RFX5: variants seen among roughly 807,000 people sequenced by gnomAD.
The protein encoded by RFX5 is DNA-binding protein RFX5.
Under a neutral mutation model 41.2 loss-of-function variants are expected in RFX5, and 30 were observed. That is an observed-to-expected ratio of 0.73 (90% CI 0.54 to 0.99). RFX5 has a LOEUF of 0.99. Among genes scored for constraint, RFX5 ranks in the 50% least tolerant of loss-of-function variants. The probability of loss-of-function intolerance (pLI) is 0.00; values close to 1 mark genes in which losing one functional copy is unlikely to be tolerated. For missense variants in RFX5, 715 were observed against 773.6 expected, an observed-to-expected ratio of 0.92 and a Z score of 0.90; for synonymous variants, 231 against 291.8, an observed-to-expected ratio of 0.79 and a Z score of 2.12.
rs999104857 is a variant in RFX5, at chr1:151,344,457, C to T, written c.433G>A (p.Asp145Asn). The T allele has an allele frequency of 5.6e-6, 9 of 1,614,204 alleles. No homozygotes were observed. The highest frequency in any genetic ancestry group is 6.8e-6 in the Non-Finnish European group (8 of 1,180,050). Residue 145 changes from aspartate (D) to asparagine (N), a missense_variant, in exon 7 of 11, where the codon GAC becomes AAC. Coordinates refer to ENST00000452671, the MANE Select transcript of RFX5 (RefSeq NM_001025603.2). ...CCACCAAGCCTTCGAGCTTTGATGT[C>T]AGGGAAGATCTCTCTGATGATCTTG... ...FGKIIREIFP[D>N]IKARRLGGRG...
chr1:151,343,586 G>T, intron 9 of RFX5, 95 bp downstream of exon 9: 2 of 1,464,378 alleles, frequency 1.4e-6, no homozygotes, highest in Non-Finnish European at 1.9e-6. Flanking sequence ...AGGAAGAGGG[G>T]GCAAATCCAA....
At position 151,345,916 on chromosome 1, in the gene RFX5, C is replaced by T. The variant is rs1651003458; in HGVS notation, c.150+12G>A. On this transcript the variant is annotated intron_variant, in intron 4 of 10. Coordinates refer to ENST00000452671, the MANE Select transcript of RFX5 (RefSeq NM_001025603.2). ...TCCATCCCTCTCTTGCCCTCTTCCC[C>T]AACACACTTACCAGGATCCCCTCTA... 1.2e-6 allele frequency: 2 copies of T among 1,614,026 alleles called. No individual in the cohort carries two copies. The highest frequency in any genetic ancestry group is 1.1e-5 in the South Asian group (1 of 91,084).
At chr1:151,343,525 A>ACT in intron 9 of RFX5, 83 bp from the exon 10 acceptor site, 1 of 1,450,724 alleles carries the variant, frequency 6.9e-7, no homozygotes, top group Non-Finnish European at 9.6e-7. Context: ...TGATTGACTG[A>ACT]CTGGTAGAGA....
rs532786569 is a variant in RFX5, at chr1:151,343,745, T to C, written c.693A>G (p.Leu231=). 6 of 1,614,016 alleles carry C rather than the reference T, an allele frequency of 3.7e-6. No individual in the cohort carries two copies. The African/African-American group carries it at 8.0e-5, about 22-fold the overall frequency. Residue 231 remains leucine (L), a synonymous_variant, in exon 9 of 11, where the codon CTA becomes CTG. Transcript: ENST00000452671. ...ATCGGGCAGAGATGAGATGCTGCTG[T>C]AGCAGGAAGCGGGCGACCTCAACGA... ...SSIVEVARFL[L]QQHLISARSA...
rs571486197 is a variant in RFX5, at chr1:151,346,442, A to G, written c.-14+47T>C. 116 of 803,454 alleles carry G rather than the reference A, an allele frequency of 1.4e-4. 1 individual carries two copies. The South Asian group carries it at 1.8e-3, about 12-fold the overall frequency. 49.8% of individuals were successfully genotyped at this position (803,454 alleles called of 1,614,324 possible). On this transcript the variant is annotated intron_variant, in intron 2 of 10. Transcript: ENST00000452671. ...TTTACCCAGAAAGGCAGAGAAACAG[A>G]AACAAAGCCTCCGAATTTCCCCGGT... is the stretch of plus-strand genomic sequence containing the variant.
intron 8 of RFX5, 107 bp from the exon 9 acceptor site, chr1:151,343,989 G>A (rs1307755149): frequency 8.0e-7 from 1 of 1,257,276 alleles, no homozygotes; most frequent in African/African-American, 1.5e-5. Flanking sequence ...CCAGACTGGG[G>A]ATGGGAGTAG....
At chr1:151,344,340 C>T in intron 7 of RFX5, 62 bp from the exon 8 acceptor site, 1 of 1,613,796 alleles carries the variant, frequency 6.2e-7, no homozygotes, top group Non-Finnish European at 8.5e-7. Context: ...GCAAGTTAAG[C>T]TGTTCCACTC....
In RFX5 at chr1:151,344,707, A is replaced by ACCACCCACCCCT; in HGVS notation, c.353+9_353+20dup. 5.9e-6 allele frequency: 5 copies of ACCACCCACCCCT among 850,500 alleles called. 1 individual carries two copies. In the South Asian group the frequency reaches 7.1e-5, roughly 12 times the overall value. The allele number at this position is 850,500 out of a possible 1,614,324, so 52.7% of individuals were successfully genotyped here. A position where few individuals can be genotyped will look rare whatever the true frequency, so the allele number is the denominator to read the frequency against. On this transcript the variant is annotated intron_variant, in intron 6 of 10. Coordinates refer to ENST00000452671, the MANE Select transcript of RFX5 (RefSeq NM_001025603.2). ...CTATGCCCACCAATCCACTCATCCC[A>ACCACCCACCCCT]CCACCCACCCCTCCACCCACCGATA...
chr1:151,343,453 A>G lies in RFX5; in HGVS notation c.758-11T>C. ...CATGTTCGTCCTCTTCTGCAGAGGTACCAAAAAGGTAATAGAGTGAAGGTG... is the reference window on the plus strand; with the variant it reads ...CATGTTCGTCCTCTTCTGCAGAGGTGCCAAAAAGGTAATAGAGTGAAGGTG... On this transcript the variant is annotated splice_polypyrimidine_tract_variant and intron_variant, in intron 9 of 10. Transcript: ENST00000452671. 6.2e-7 allele frequency: 1 copy of G among 1,612,504 alleles called. No individual in the cohort carries two copies. Among genetic ancestry groups the G allele is most frequent in the East Asian group, 2.2e-5 (1 of 44,880 alleles).
In RFX5 at chr1:151,342,859, C is replaced by G. The variant is rs779249436; in HGVS notation, c.1178G>C (p.Gly393Ala). Residue 393 changes from glycine (G) to alanine (A), a missense_variant, in exon 11 of 11, where the codon GGA (glycine) becomes GCA (alanine). Coordinates refer to ENST00000452671, the MANE Select transcript of RFX5 (RefSeq NM_001025603.2). ...MILPTVPALP[G>A]PGPGPGRAPP... ...AGCTCGCCCAGGCCCAGGTCCAGGTCCAGGCAAAGCAGGAACAGTTGGTAA... is the reference window on the plus strand; with the variant it reads ...AGCTCGCCCAGGCCCAGGTCCAGGTGCAGGCAAAGCAGGAACAGTTGGTAA... The G allele has an allele frequency of 5.3e-5, 85 of 1,614,046 alleles. No individual in the cohort carries two copies. The highest frequency in any genetic ancestry group is 6.7e-5 in the Non-Finnish European group (79 of 1,180,030).
At chr1:151,345,279 G>T in intron 4 of RFX5, 91 bp from the exon 5 acceptor site, 1 of 994,234 alleles carries the variant, frequency 1.0e-6, no homozygotes, top group Non-Finnish European at 1.6e-6. Flanking sequence ...AAGTCTAGCT[G>T]ACTTACAGGG....
rs1237129715 is a variant in RFX5, at chr1:151,344,259, T to A, written c.493A>T (p.Arg165Trp). The A allele has an allele frequency of 6.2e-7, 1 of 1,614,060 alleles. No individual in the cohort carries two copies. The highest frequency in any genetic ancestry group is 1.3e-5 in the African/African-American group (1 of 74,914). Residue 165 changes from arginine (R) to tryptophan (W), a missense_variant, in exon 8 of 11, where the codon AGG (arginine) becomes TGG (tryptophan). Coordinates refer to ENST00000452671, the MANE Select transcript of RFX5 (RefSeq NM_001025603.2). ...GQSKYCYSGIRRKTLVSMPPL... is the reference protein window; with the variant it reads ...GQSKYCYSGIWRKTLVSMPPL... Reference sequence around the variant, plus strand: ...GGCATAGACACCAAGGTCTTCCTCCTTATGCCACTGTAGCAATATCTGATG... The same window carrying A: ...GGCATAGACACCAAGGTCTTCCTCCATATGCCACTGTAGCAATATCTGATG...
At position 151,343,133 on chromosome 1, in the gene RFX5, G is replaced by A. The variant is rs757930556; in HGVS notation, c.904C>T (p.Arg302Cys). 1.9e-6 allele frequency: 3 copies of A among 1,611,942 alleles called. No individual in the cohort carries two copies. Among genetic ancestry groups the A allele is most frequent in the African/African-American group, 1.3e-5 (1 of 74,892 alleles). The change falls in exon 11 of 11, where the codon CGT (arginine) becomes TGT (cysteine). Residue 302 changes from arginine to cysteine, a missense_variant. Physicochemically the swap from Arg to Cys is radical, Grantham distance 180. Coordinates refer to ENST00000452671, the MANE Select transcript of RFX5 (RefSeq NM_001025603.2). ...ACTACACTCTTCTTCCGCTCTCCAC[G>A]TGCGAGAGGACCGGCCCCAGTTCGG... Reference protein sequence around the residue: ...EARTGAGPLARGERKKSVVES... With the variant: ...EARTGAGPLACGERKKSVVES...
intron 3 of RFX5, 109 bp downstream of exon 3, chr1:151,346,096 C>T (rs538698295): frequency 9.6e-6 from 15 of 1,556,882 alleles, no homozygotes; most frequent in Non-Finnish European, 1.2e-5. Flanking sequence ...AAATCTCCCT[C>T]TGCTCCCATG....
At position 151,343,705 on chromosome 1, in the gene RFX5, C is replaced by A; in HGVS notation, c.733G>T (p.Val245Leu). 1 of 1,614,122 alleles carries A rather than the reference C, an allele frequency of 6.2e-7. No homozygotes were observed. Among genetic ancestry groups the A allele is most frequent in the Admixed American group, 1.7e-5 (1 of 60,012 alleles). The change falls in exon 9 of 11, where the codon GTG (valine) becomes TTG (leucine). Residue 245 changes from valine to leucine, a missense_variant. By Grantham distance (32) the Val-to-Leu change is conservative (BLOSUM62 1). Coordinates refer to ENST00000452671, the MANE Select transcript of RFX5 (RefSeq NM_001025603.2). ...LISARSAHAH[V>L]LKAMGLAEED... The stretch of plus-strand genomic sequence containing the variant: ...CCAGCGAGCCCCATGGCCTTAAGCA[C>A]ATGGGCATGTGCAGATCGGGCAGAG...
Position 151,342,119 on chromosome 1 carries a change from G to A in RFX5, c.*67C>T, listed in dbSNP as rs770230840. 1.2e-6 allele frequency: 2 copies of A among 1,605,638 alleles called. No homozygotes were observed. Among genetic ancestry groups the A allele is most frequent in the Admixed American group, 3.3e-5 (2 of 59,994 alleles). On this transcript the variant is annotated 3_prime_UTR_variant, in exon 11 of 11. Coordinates refer to ENST00000452671, the MANE Select transcript of RFX5 (RefSeq NM_001025603.2). ...AAGAATAGCCAAATGAGAAGCAAGT[G>A]CAAAGAAGGGCCTCTACTAGGCAAA...
chr1:151,344,820 C>T lies in RFX5; in HGVS notation c.261G>A (p.Glu87=), dbSNP rs370136250. ...TCCACCTATAGGCATACATGTACTC[C>T]TCATTGCTCAGTGTACTTGGCTCTG... ...KSSEPSTLSN[E]EYMYAYRWIR... is the part of the protein sequence containing the mutation. Residue 87 remains glutamate, a synonymous_variant, in exon 6 of 11, where the codon GAG becomes GAA. Coordinates refer to ENST00000452671, the MANE Select transcript of RFX5 (RefSeq NM_001025603.2). The T allele has an allele frequency of 1.5e-5, 24 of 1,613,978 alleles. No homozygotes were observed. The Admixed American group carries it at 4.0e-4, about 27-fold the overall frequency.
Position 151,344,087 on chromosome 1 carries a change from G to A in RFX5, c.555+110C>T. On this transcript the variant is annotated intron_variant, in intron 8 of 10. Coordinates refer to ENST00000452671, the MANE Select transcript of RFX5 (RefSeq NM_001025603.2). Reference sequence around the variant, plus strand: ...TTGGCAGAAGGGAACATCATACCTAGAAGCTATGTACATAATGACTGAGGC... The same window carrying A: ...TTGGCAGAAGGGAACATCATACCTAAAAGCTATGTACATAATGACTGAGGC... The A allele has an allele frequency of 8.3e-6, 10 of 1,199,340 alleles. 1 individual carries two copies. In the South Asian group the frequency reaches 1.3e-4, roughly 15 times the overall value. 74.3% of individuals were successfully genotyped at this position (1,199,340 alleles called of 1,614,324 possible). A position where few individuals can be genotyped will look rare whatever the true frequency, so the allele number is the denominator to read the frequency against.
In RFX5 at chr1:151,345,802, C is replaced by A; in HGVS notation, c.150+126G>T. 3 of 1,398,882 alleles carry A rather than the reference C, an allele frequency of 2.1e-6. No individual in the cohort carries two copies. In the South Asian group the frequency reaches 3.5e-5, roughly 16 times the overall value. 86.7% of individuals were successfully genotyped at this position (1,398,882 alleles called of 1,614,324 possible). ...ACTGGCAGCAAGTTTGCAAAGCCAA[C>A]TATCTTCTGACAAGGCAGAGGACCC... On this transcript the variant is annotated intron_variant, in intron 4 of 10. Coordinates refer to ENST00000452671, the MANE Select transcript of RFX5 (RefSeq NM_001025603.2).
Sources: allele counts gnomAD v4.1 joint callset, GRCh38; gene constraint gnomAD v4.1.1; transcripts MANE v1.5; gene names NCBI Gene and HGNC (gene_info 2026-07-23, HGNC 2026-07-21).